The following CHRM5 variants were observed in gnomAD, a reference collection of about 807,000 sequenced individuals.
CHRM5 encodes cholinergic receptor muscarinic 5, also known as muscarinic acetylcholine receptor M5.
CHRM5 carries 18 observed loss-of-function variants against 39.0 expected under a neutral mutation model. The ratio of observed to expected loss-of-function variants is 0.46; its 90% CI spans 0.32 to 0.68. The LOEUF (loss-of-function observed/expected upper bound fraction) is 0.68. CHRM5 is among the 30% of genes least tolerant of loss of function. The probability of loss-of-function intolerance (pLI) is 0.04; values close to 1 mark genes in which losing one functional copy is unlikely to be tolerated. For missense variants in CHRM5, 515 were observed against 651.1 expected, an observed-to-expected ratio of 0.79 and a Z score of 2.28; for synonymous variants, 241 against 246.3, an observed-to-expected ratio of 0.98 and a Z score of 0.20.
At chr15:34,017,056 G>C (rs1161152563) in intron 1 of CHRM5, among the ~76,000 whole-genome samples, 1 of 151,956 alleles carries the variant, frequency 6.6e-6, no homozygotes, top group Admixed American at 6.6e-5. Context: ...ACCTCAGCCT[G>C]GGGAGGTCAA....
intron 1 of CHRM5, among the ~76,000 whole-genome samples, chr15:34,022,910 G>T (rs908659366): frequency 6.6e-6 from 1 of 152,200 alleles, no homozygotes; most frequent in Non-Finnish European, 1.5e-5. Context: ...CAATGAGGCC[G>T]GGCGCGGTGG....
intron 1 of CHRM5, among the ~76,000 whole-genome samples, chr15:33,985,766 C>A (rs1256501138): frequency 1.3e-5 from 2 of 152,058 alleles, no homozygotes; most frequent in Non-Finnish European, 2.9e-5. Context: ...ACTACTGTTC[C>A]CAATTCTGTG....
intron 1 of CHRM5, among the ~76,000 whole-genome samples, chr15:33,983,073 G>A (rs1031490046): frequency 6.6e-6 from 1 of 151,580 alleles, no homozygotes; most frequent in Non-Finnish European, 1.5e-5. Context: ...GATTTTAGAC[G>A]TGGATATATA....
At position 33,993,965 on chromosome 15, in the gene CHRM5, T is replaced by C. The variant is rs115937256; in HGVS notation, c.-408+24815T>C. On this transcript the variant is annotated intron_variant, in intron 1 of 2. Coordinates refer to ENST00000383263, the MANE Select transcript of CHRM5 (RefSeq NM_012125.4). ...ACTTATTTAAGTATTCATTCCACTA[T>C]TAATGAATATTTGCGTTGCTTCCAT... 6.0e-3 allele frequency among the ~76,000 whole-genome samples: 916 copies of C among 152,380 alleles called. 7 individuals carry two copies. The highest frequency in any genetic ancestry group is 0.019 in the African/African-American group (810 of 41,596).
At chr15:34,035,814 A>G (rs1899090273) in intron 1 of CHRM5, among the ~76,000 whole-genome samples, 1 of 152,064 alleles carries the variant, frequency 6.6e-6, no homozygotes, top group African/African-American at 2.4e-5. Context: ...TAGTTATTTG[A>G]GACAGAGTCT....
chr15:34,044,016 C>T (rs1244923301), intron 1 of CHRM5, among the ~76,000 whole-genome samples: 1 of 151,988 alleles, frequency 6.6e-6, no homozygotes, highest in East Asian at 1.9e-4. Flanking sequence ...CCACTCTCCC[C>T]TGCACATCAG....
intron 1 of CHRM5, among the ~76,000 whole-genome samples, chr15:34,036,163 G>A (rs748639220): frequency 4.6e-5 from 7 of 151,818 alleles, no homozygotes; most frequent in Non-Finnish European, 8.8e-5. Flanking sequence ...TGAGTATTCC[G>A]TGAAGATAAT....
At chr15:33,975,796 GGCACATGCCTGTAGTCCCA>G (rs971239680) in intron 1 of CHRM5, among the ~76,000 whole-genome samples, 2 of 152,144 alleles carry the variant, frequency 1.3e-5, no homozygotes, top group African/African-American at 4.8e-5. Context: ...CGGGCGTGGT[GGCACATGCCTGTAGTCCCA>G]GCTACTCGGG....
At chr15:33,983,623 T>C (rs1038346969) in intron 1 of CHRM5, among the ~76,000 whole-genome samples, 7 of 152,156 alleles carry the variant, frequency 4.6e-5, no homozygotes, top group Non-Finnish European at 8.8e-5. Context: ...TTTACTGTCA[T>C]TGTTTTTAAC....
chr15:33,977,679 G>C (rs2140513405), intron 1 of CHRM5, among the ~76,000 whole-genome samples: 1 of 152,266 alleles, frequency 6.6e-6, no homozygotes, highest in South Asian at 2.1e-4. Flanking sequence ...ATTTCTACAA[G>C]TGAAGAATCA....
At chr15:33,971,954 GATGATT>G (rs760723091) in intron 1 of CHRM5, 3 of 152,054 alleles carry the variant, frequency 2.0e-5, no homozygotes, top group Non-Finnish European at 4.4e-5. Context: ...ATATCAAACA[GATGATT>G]ATATGCTTTC....
At chr15:34,043,244 C>G (rs1899552073) in intron 1 of CHRM5, among the ~76,000 whole-genome samples, 1 of 146,438 alleles carries the variant, frequency 6.8e-6, no homozygotes, top group Admixed American at 6.8e-5. Flanking sequence ...AAGAATCCGT[C>G]TCAAAAAAAA....
At chr15:34,026,178 A>G (rs1273241327) in intron 1 of CHRM5, among the ~76,000 whole-genome samples, 1 of 152,090 alleles carries the variant, frequency 6.6e-6, no homozygotes, top group Non-Finnish European at 1.5e-5. Context: ...ATTTCCACAT[A>G]TTGTCATTTT....
intron 1 of CHRM5, among the ~76,000 whole-genome samples, chr15:34,004,818 TAATAG>T (rs1022605174): frequency 2.6e-5 from 4 of 152,156 alleles, no homozygotes; most frequent in Admixed American, 1.3e-4. Context: ...AATTTTTTCA[TAATAG>T]AATATTAAAT....
intron 1 of CHRM5, among the ~76,000 whole-genome samples, chr15:34,031,168 A>ATTTTTTTTTTTT (rs34414446): frequency 2.7e-4 from 18 of 67,600 alleles, no homozygotes; most frequent in African/African-American, 4.2e-4. Flanking sequence ...GCTTAGGTTA[A>ATTTTTTTTTTTT]TTTTTTTTTT....
chr15:33,992,718 C>T (rs1206159065), intron 1 of CHRM5, among the ~76,000 whole-genome samples: 1 of 152,146 alleles, frequency 6.6e-6, no homozygotes, highest in Admixed American at 6.5e-5. Flanking sequence ...CTTGTTGCCT[C>T]ATGGAAAGAA....
chr15:34,057,199 T>G (rs1256983645), intron 2 of CHRM5, among the ~76,000 whole-genome samples: 1 of 151,504 alleles, frequency 6.6e-6, no homozygotes, highest in African/African-American at 2.4e-5. Flanking sequence ...AGTCGCATGA[T>G]CTTGGCTCAC....
intron 1 of CHRM5, among the ~76,000 whole-genome samples, chr15:33,999,612 T>C (rs1897062270): frequency 6.6e-6 from 1 of 152,150 alleles, no homozygotes; most frequent in Admixed American, 6.5e-5. Flanking sequence ...ATACCCAGCA[T>C]TTGCAAGTGC....
At chr15:34,057,317 T>G (rs1900194681) in intron 2 of CHRM5, among the ~76,000 whole-genome samples, 1 of 150,944 alleles carries the variant, frequency 6.6e-6, no homozygotes, top group African/African-American at 2.5e-5. Flanking sequence ...TTTTTTTTTG[T>G]ATTTTTAGTA....
Sources: gnomAD v4.1 joint callset for allele counts (sites outside exome capture counted in the v4.1 genomes callset) on GRCh38, gnomAD v4.1.1 for gene constraint, MANE v1.5 for transcripts, NCBI Gene and HGNC (gene_info 2026-07-23, HGNC 2026-07-21) for gene names.